Variants in LUZP2 observed in about 807,000 individuals in gnomAD.
The protein encoded by LUZP2 is leucine zipper protein 2.
LUZP2 carries 52 observed loss-of-function variants against 51.6 expected under a neutral mutation model. That is an observed-to-expected ratio of 1.01 (90% CI 0.81 to 1.27). The LOEUF is 1.27. LUZP2 is among the 50% of genes most tolerant of loss of function. The pLI is 0.00. For missense variants in LUZP2, 436 were observed against 395.4 expected (o/e 1.10, Z -0.87); for synonymous variants, 154 against 137.3 (o/e 1.12, Z -0.85).
At chr11:24,663,190 G>A (rs904920886) in intron 1 of LUZP2, among the ~76,000 whole-genome samples, 2 of 152,102 alleles carry the variant, frequency 1.3e-5, no homozygotes, top group Non-Finnish European at 2.9e-5. Flanking sequence ...TAAATTGGAG[G>A]AGGGCTCTGG....
At chr11:25,061,198 G>A (rs1270204798) in intron 10 of LUZP2, among the ~76,000 whole-genome samples, 2 of 152,152 alleles carry the variant, frequency 1.3e-5, no homozygotes, top group African/African-American at 4.8e-5. Context: ...GACATCACAG[G>A]ATTAGAGTCT....
rs921407434 is a variant in LUZP2 at position 25,082,133 on chromosome 11, C to G, written c.*3475C>G. Reference sequence around the variant, plus strand: ...CTGGATGTAGTTTTCTGTGTAATCTCAAATATCTGAATATTGAAAAAACTA... The same window carrying G: ...CTGGATGTAGTTTTCTGTGTAATCTGAAATATCTGAATATTGAAAAAACTA... On this transcript the variant is annotated 3_prime_UTR_variant, in exon 12 of 12. Transcript: ENST00000336930. 1.3e-5 allele frequency: 2 copies of G among 152,468 alleles called. No individual in the cohort carries two copies. Among genetic ancestry groups the G allele is most frequent in the African/African-American group, 2.4e-5 (1 of 41,392 alleles). 9.4% of individuals were successfully genotyped at this position (152,468 alleles called of 1,614,324 possible).
intron 10 of LUZP2, among the ~76,000 whole-genome samples, chr11:25,072,328 C>G (rs1220352618): frequency 6.6e-6 from 1 of 152,010 alleles, no homozygotes; most frequent in African/African-American, 2.4e-5. Context: ...AAGTCCTTGA[C>G]TTTTTTTATT....
intron 5 of LUZP2, among the ~76,000 whole-genome samples, chr11:24,797,573 A>G (rs1230331752): frequency 6.6e-6 from 1 of 152,122 alleles, no homozygotes; most frequent in Non-Finnish European, 1.5e-5. Context: ...AACCACAGAA[A>G]ACTTGCCTCC....
intron 5 of LUZP2, chr11:24,831,926 A>C (rs1374513887): frequency 6.6e-6 from 1 of 152,572 alleles, no homozygotes; most frequent in Non-Finnish European, 1.5e-5. Context: ...AGACCAAGAG[A>C]TCTCCAGTGG....
intron 1 of LUZP2, among the ~76,000 whole-genome samples, chr11:24,716,556 C>T (rs576314001): frequency 6.6e-6 from 1 of 152,234 alleles, no homozygotes; most frequent in South Asian, 2.1e-4. Flanking sequence ...TGTTTTTCAA[C>T]ACTTCTGCCA....
intron 1 of LUZP2, among the ~76,000 whole-genome samples, chr11:24,630,824 C>A (rs1854861780): frequency 6.6e-6 from 1 of 151,774 alleles, no homozygotes; most frequent in Admixed American, 6.6e-5. Flanking sequence ...TTCTTCTGAT[C>A]TATGAGCATG....
chr11:24,547,395 G>A (rs918545520), intron 1 of LUZP2, among the ~76,000 whole-genome samples: 8 of 152,104 alleles, frequency 5.3e-5, no homozygotes, highest in African/African-American at 1.9e-4. Flanking sequence ...ACAGGTTAGA[G>A]AACCCAAAAG....
chr11:24,627,552 C>T (rs1231697653), intron 1 of LUZP2, among the ~76,000 whole-genome samples: 1 of 152,198 alleles, frequency 6.6e-6, no homozygotes, highest in East Asian at 1.9e-4. Context: ...AGGCCAAGAA[C>T]ATTCAGATAG....
At chr11:24,694,198 C>T (rs1857167615) in intron 1 of LUZP2, among the ~76,000 whole-genome samples, 3 of 152,058 alleles carry the variant, frequency 2.0e-5, no homozygotes, top group East Asian at 1.9e-4. Context: ...TTGCCTGTTG[C>T]TCACTGCTTG....
At chr11:24,518,827 G>A (rs1240998672) in intron 1 of LUZP2, among the ~76,000 whole-genome samples, 1 of 152,136 alleles carries the variant, frequency 6.6e-6, no homozygotes, top group Non-Finnish European at 1.5e-5. Flanking sequence ...GCAAAGAGAG[G>A]GTTCGGCTTT....
intron 10 of LUZP2, among the ~76,000 whole-genome samples, chr11:25,054,203 T>C (rs1337707752): frequency 6.6e-6 from 1 of 152,146 alleles, no homozygotes; most frequent in African/African-American, 2.4e-5. Flanking sequence ...GAAAAATTAT[T>C]GATTATCAGT....
chr11:24,731,980 T>C, intron 2 of LUZP2, 138 bp from the exon 3 acceptor site: 1 of 566,264 alleles, frequency 1.8e-6, no homozygotes, highest in Non-Finnish European at 3.0e-6. Flanking sequence ...CTTGGAGCCG[T>C]GAGGACCATC....
intron 1 of LUZP2, among the ~76,000 whole-genome samples, chr11:24,501,738 C>A (rs1053890507): frequency 6.6e-6 from 1 of 152,112 alleles, no homozygotes; most frequent in Non-Finnish European, 1.5e-5. Flanking sequence ...TTATTACATG[C>A]ACCATCAGGG....
At position 24,729,256 on chromosome 11, in the gene LUZP2, A is replaced by T; in HGVS notation, c.150A>T (p.Arg50Ser). 6.4e-7 allele frequency: 1 copy of T among 1,560,840 alleles called. No homozygotes were observed. Among genetic ancestry groups the T allele is most frequent in the Non-Finnish European group, 8.7e-7 (1 of 1,144,426 alleles). ...TTCGTCAGCTGACAAAGACATCAAG[A>T]GAACTTGATGGAATTAAAGTCAATC... ...TILRQLTKTS[R>S]ELDGIKVNLQ... The change falls in exon 2 of 12, where the codon AGA (arginine) becomes AGT (serine). Residue 50 changes from arginine (R) to serine (S), a missense_variant. Physicochemically the swap from Arg to Ser is moderately radical, Grantham distance 110. Coordinates refer to ENST00000336930, the MANE Select transcript of LUZP2 (RefSeq NM_001009909.4).
intron 4 of LUZP2, among the ~76,000 whole-genome samples, chr11:24,749,791 A>C (rs1859510217): frequency 6.6e-6 from 1 of 152,098 alleles, no homozygotes. Context: ...TCTTGGACTT[A>C]TACCAGTGGT....
rs552699000 is a variant in LUZP2, at chr11:24,819,923, T to C, written c.396+56615T>C. ...GAAAATGAAAATGACAATTCCTTAC[T>C]TTATGTTATAGGCATTAAATTTCAA... On this transcript the variant is annotated intron_variant, in intron 5 of 11. Transcript: ENST00000336930. Among the ~76,000 whole-genome samples the C allele has an allele frequency of 5.3e-5, 8 of 152,280 alleles. No homozygotes were observed. In the South Asian group the frequency reaches 1.0e-3, roughly 20 times the overall value.
chr11:24,910,821 C>G (rs974943229), intron 6 of LUZP2, among the ~76,000 whole-genome samples: 4 of 152,130 alleles, frequency 2.6e-5, no homozygotes, highest in African/African-American at 9.7e-5. Flanking sequence ...GAAGAGAGAG[C>G]CACCGTCCTC....
chr11:24,498,266 C>T (rs901475193), intron 1 of LUZP2, among the ~76,000 whole-genome samples: 7 of 152,076 alleles, frequency 4.6e-5, no homozygotes, highest in African/African-American at 1.7e-4. Flanking sequence ...TTCAAGTCTA[C>T]GTGAATAGAA....
Sources: gnomAD v4.1 joint callset for allele counts (sites outside exome capture counted in the v4.1 genomes callset) on GRCh38, gnomAD v4.1.1 for gene constraint, MANE v1.5 for transcripts, NCBI Gene and HGNC (gene_info 2026-07-23, HGNC 2026-07-21) for gene names.